Variants in NBEA observed in about 807,000 individuals in gnomAD.
NBEA encodes the protein lysosomal-trafficking regulator 2.
In NBEA, 44 loss-of-function variants were observed where a neutral mutation model predicts 343.4. That is an observed-to-expected ratio of 0.13 (90% CI 0.10 to 0.16). The LOEUF is 0.16. Ranked by LOEUF, NBEA falls within the 10% of genes least tolerant of loss-of-function variation. The pLI is 1.00. For synonymous variants in NBEA, 1,175 were observed against 1,238.7 expected, an observed-to-expected ratio of 0.95 and a Z score of 1.08; for missense variants, 2,555 against 3,631.3, an observed-to-expected ratio of 0.70 and a Z score of 7.62.
chr13:35,657,483 G>A (rs572274319), intron 55 of NBEA, among the ~76,000 whole-genome samples: 27 of 152,230 alleles, frequency 1.8e-4, no homozygotes, highest in South Asian at 1.7e-3. Context: ...CTTTTGTAAA[G>A]CCATGTCCGT....
At chr13:35,661,982 C>T (rs1450986322) in intron 55 of NBEA, among the ~76,000 whole-genome samples, 4 of 152,050 alleles carry the variant, frequency 2.6e-5, no homozygotes, top group Admixed American at 6.5e-5. Flanking sequence ...CACAGCTTCC[C>T]CTGCATATCA....
At chr13:35,157,384 T>C (rs2069241289) in intron 21 of NBEA, 114 bp downstream of exon 21, 2 of 788,862 alleles carry the variant, frequency 2.5e-6, no homozygotes, top group South Asian at 7.5e-5. Context: ...CAGATTCCTG[T>C]ATCTCAGTTT....
At chr13:35,549,818 T>A (rs1478854276) in intron 41 of NBEA, among the ~76,000 whole-genome samples, 2 of 152,218 alleles carry the variant, frequency 1.3e-5, no homozygotes, top group Non-Finnish European at 2.9e-5. Context: ...AATAACATTG[T>A]CAGGACTGGC....
Position 35,452,101 on chromosome 13 carries a change from A to G in NBEA, c.6314A>G (p.Glu2105Gly), listed in dbSNP as rs1296426292. 1.2e-6 allele frequency: 2 copies of G among 1,611,842 alleles called. No homozygotes were observed. Among genetic ancestry groups the G allele is most frequent in the Non-Finnish European group, 1.7e-6 (2 of 1,178,824 alleles). ...LKAAIEYGTE[E>G]DVVKSKKTFR... ...TTTTTGTTGTGATTAGGCACGGAAG[A>G]AGATGTAGTAAAGTCAAAGAAAACA... Residue 2105 changes from glutamate to glycine, a missense_variant, in exon 40 of 59, where the codon GAA (glutamate) becomes GGA (glycine). This residue lies in a region of NBEA where 246 missense variants were observed against 313.7 expected (regional missense o/e 0.78). Transcript: ENST00000379939.
chr13:35,164,594 T>C, intron 24 of NBEA, 85 bp downstream of exon 24: 1 of 1,391,672 alleles, frequency 7.2e-7, no homozygotes, highest in Non-Finnish European at 9.8e-7. Flanking sequence ...TATAAACACA[T>C]TTTAACCAGA....
At chr13:35,615,495 C>T (rs1441103679) in intron 48 of NBEA, among the ~76,000 whole-genome samples, 2 of 152,012 alleles carry the variant, frequency 1.3e-5, no homozygotes, top group Non-Finnish European at 2.9e-5. Context: ...AGGCATGCAC[C>T]ACCACGCCCG....
intron 10 of NBEA, among the ~76,000 whole-genome samples, chr13:35,077,287 A>T (rs2152591713): frequency 6.6e-6 from 1 of 152,226 alleles, no homozygotes; most frequent in South Asian, 2.1e-4. Flanking sequence ...TATACACATA[A>T]ACCATTGATG....
intron 10 of NBEA, among the ~76,000 whole-genome samples, chr13:35,088,596 A>C (rs2064896769): frequency 2.0e-5 from 3 of 151,960 alleles, no homozygotes; most frequent in Non-Finnish European, 4.4e-5. Flanking sequence ...TTGATATGAA[A>C]GATAACTAAG....
chr13:35,411,795 G>T (rs1225855564), intron 38 of NBEA, among the ~76,000 whole-genome samples: 1 of 151,934 alleles, frequency 6.6e-6, no homozygotes, highest in African/African-American at 2.4e-5. Flanking sequence ...ACCACATTTG[G>T]CTTGTCTCTT....
chr13:35,257,459 A>T (rs1030713410), intron 34 of NBEA, among the ~76,000 whole-genome samples: 1 of 152,200 alleles, frequency 6.6e-6, no homozygotes, highest in Non-Finnish European at 1.5e-5. Flanking sequence ...TAAAATTTGC[A>T]TTAATTAAGA....
At chr13:35,115,579 G>T (rs7998528) in intron 13 of NBEA, among the ~76,000 whole-genome samples, 15,935 of 151,878 alleles carry the variant, frequency 0.1, 1,003 homozygotes, top group African/African-American at 0.16. Context: ...AGCTTCTATA[G>T]TTTACATAAA....
At chr13:34,948,326 G>A (rs2059250581) in intron 1 of NBEA, among the ~76,000 whole-genome samples, 1 of 151,042 alleles carries the variant, frequency 6.6e-6, no homozygotes, top group South Asian at 2.1e-4. Flanking sequence ...TAACCCAAGG[G>A]TAGCGAGCCA....
intron 10 of NBEA, among the ~76,000 whole-genome samples, chr13:35,073,285 A>C (rs1200439670): frequency 1.3e-5 from 2 of 152,188 alleles, no homozygotes; most frequent in African/African-American, 4.8e-5. Context: ...CATCTTATTT[A>C]GTTGATAATA....
intron 38 of NBEA, among the ~76,000 whole-genome samples, chr13:35,419,681 T>G (rs73502768): frequency 0.022 from 3,313 of 152,098 alleles, 145 homozygotes; most frequent in African/African-American, 0.076. Flanking sequence ...AGTGCCACAT[T>G]TTTAAATAAT....
intron 38 of NBEA, among the ~76,000 whole-genome samples, chr13:35,425,152 T>C (rs9573884): frequency 0.22 from 33,886 of 152,042 alleles, 3,884 homozygotes; most frequent in South Asian, 0.33. Context: ...TTTCCTTCAG[T>C]TCTGCTCTAA....
intron 35 of NBEA, among the ~76,000 whole-genome samples, chr13:35,294,580 T>G (rs926801373): frequency 9.9e-5 from 15 of 152,256 alleles, no homozygotes; most frequent in African/African-American, 3.6e-4. Flanking sequence ...TTGGTAGTTA[T>G]TTAGTGACTA....
At chr13:35,664,712 G>T (rs1003213944) in intron 55 of NBEA, among the ~76,000 whole-genome samples, 5 of 152,212 alleles carry the variant, frequency 3.3e-5, no homozygotes, top group Non-Finnish European at 7.3e-5. Context: ...ACTAGGGATA[G>T]TAAGAGTTCC....
chr13:35,158,930 T>C (rs1025156536), intron 21 of NBEA, 86 bp from the exon 22 acceptor site: 38 of 1,216,650 alleles, frequency 3.1e-5, no homozygotes, highest in Non-Finnish European at 3.9e-5. Flanking sequence ...TTATTTTTTC[T>C]ATTTCCACAA....
chr13:35,087,833 A>T (rs1389561710), intron 10 of NBEA, among the ~76,000 whole-genome samples: 1 of 151,898 alleles, frequency 6.6e-6, no homozygotes, highest in Non-Finnish European at 1.5e-5. Context: ...ATAACCAGAG[A>T]ACCTTGTAGA....
Sources: allele counts gnomAD v4.1 joint callset (sites outside exome capture counted in the v4.1 genomes callset), GRCh38; gene constraint gnomAD v4.1.1; regional missense constraint gnomAD v4.1.1; transcripts MANE v1.5; gene names NCBI Gene and HGNC (gene_info 2026-07-23, HGNC 2026-07-21).